DIP2C: variants seen among roughly 807,000 people sequenced by gnomAD.
DIP2C encodes DIP2 acetate--CoA ligase C (putative), also known as disco-interacting protein 2 homolog C.
Under a neutral mutation model 192.4 loss-of-function variants are expected in DIP2C, and 33 were observed. The observed-to-expected ratio is 0.17, with a 90% CI of 0.13 to 0.23. DIP2C has a LOEUF of 0.23. Among genes scored for constraint, DIP2C ranks in the 10% least tolerant of loss-of-function variants. The pLI, the probability that DIP2C is intolerant of heterozygous loss-of-function variation, is 1.00. For synonymous variants in DIP2C, 979 were observed against 864.1 expected (o/e 1.13, Z -2.33); for missense variants, 1,537 against 2,110.1 (o/e 0.73, Z 5.32).
At chr10:575,452 G>A (rs548558195) in intron 1 of DIP2C, among the ~76,000 whole-genome samples, 8 of 152,296 alleles carry the variant, frequency 5.3e-5, no homozygotes, top group South Asian at 2.1e-4. Context: ...GGCCGTCCTA[G>A]GACTGAAACT....
intron 1 of DIP2C, among the ~76,000 whole-genome samples, chr10:501,570 G>A (rs1845229584): frequency 1.3e-5 from 2 of 152,118 alleles, no homozygotes; most frequent in South Asian, 4.2e-4. Flanking sequence ...GAATGGGGAG[G>A]CTTCATTTAA....
At chr10:505,628 T>G (rs1235741613) in intron 1 of DIP2C, among the ~76,000 whole-genome samples, 1 of 151,528 alleles carries the variant, frequency 6.6e-6, no homozygotes, top group Non-Finnish European at 1.5e-5. Flanking sequence ...ATATTCCCTC[T>G]GTGGGCACCT....
At chr10:343,637 A>G (rs752700712) in intron 28 of DIP2C, among the ~76,000 whole-genome samples, 47 of 152,262 alleles carry the variant, frequency 3.1e-4, no homozygotes, top group African/African-American at 1.1e-3. Flanking sequence ...CTGAATTTAT[A>G]CAACATCCAT....
intron 13 of DIP2C, among the ~76,000 whole-genome samples, chr10:388,184 G>A (rs1240263845): frequency 2.6e-5 from 4 of 152,136 alleles, no homozygotes; most frequent in African/African-American, 9.7e-5. Flanking sequence ...TGCGCACAGA[G>A]GAGGAAGTGG....
chr10:396,118 C>T (rs1963967774), intron 10 of DIP2C, among the ~76,000 whole-genome samples: 1 of 152,212 alleles, frequency 6.6e-6, no homozygotes, highest in Non-Finnish European at 1.5e-5. Flanking sequence ...TTCCCAGCCA[C>T]GTGGCCTTGG....
chr10:644,670 G>A (rs1855364862), intron 1 of DIP2C, among the ~76,000 whole-genome samples: 2 of 151,026 alleles, frequency 1.3e-5, no homozygotes, highest in African/African-American at 4.9e-5. Flanking sequence ...CCAAATCTCA[G>A]ACGTAGGGTT....
At chr10:495,337 C>CAGA (rs1844747473) in intron 1 of DIP2C, among the ~76,000 whole-genome samples, 1 of 152,124 alleles carries the variant, frequency 6.6e-6, no homozygotes, top group African/African-American at 2.4e-5. Context: ...TACCATCTGC[C>CAGA]TGAAATTCAG....
At chr10:311,513 G>A in intron 31 of DIP2C, 1 of 1,232,560 alleles carries the variant, frequency 8.1e-7, no homozygotes, top group Non-Finnish European at 1.0e-6. Flanking sequence ...AGGCACGGGT[G>A]TGATGGACAG....
At position 429,271 on chromosome 10, in the gene DIP2C, TC is replaced by T. The variant is rs1206845930; in HGVS notation, c.395-6239del. Among the ~76,000 whole-genome samples, 18 of 1,856 alleles carry T rather than the reference TC, an allele frequency of 9.7e-3. 3 individuals are homozygous for T. The highest frequency in any genetic ancestry group is 0.012 in the Non-Finnish European group (15 of 1,280). 1.2% of individuals were successfully genotyped at this position (1,856 alleles called of 152,430 possible). A position where few individuals can be genotyped will look rare whatever the true frequency, so the allele number is the denominator to read the frequency against. ...GCCTCCCCCCCGGACCCTGGCTGCC[TC>T]CCCCCCGGACCCTGGCTGCCTCCCC... is the stretch of plus-strand genomic sequence containing the variant. On this transcript the variant is annotated intron_variant, in intron 4 of 36. Coordinates refer to ENST00000280886, the MANE Select transcript of DIP2C (RefSeq NM_014974.3).
intron 1 of DIP2C, among the ~76,000 whole-genome samples, chr10:619,734 T>C (rs1853740692): frequency 6.6e-6 from 1 of 152,164 alleles, no homozygotes; most frequent in Admixed American, 6.5e-5. Flanking sequence ...GGGACCTCCA[T>C]GGCCCAGCAG....
intron 1 of DIP2C, among the ~76,000 whole-genome samples, chr10:519,100 G>C (rs936680314): frequency 6.6e-6 from 1 of 152,178 alleles, no homozygotes; most frequent in African/African-American, 2.4e-5. Flanking sequence ...AAGGGCTTCC[G>C]ATCCAGCCAT....
At chr10:633,331 G>C (rs1854636279) in intron 1 of DIP2C, among the ~76,000 whole-genome samples, 1 of 152,234 alleles carries the variant, frequency 6.6e-6, no homozygotes. Context: ...AAAACGTCCA[G>C]GGCAACAGCG....
Position 523,881 on chromosome 10 carries a change from C to T in DIP2C, c.86-37351G>A, listed in dbSNP as rs548553029. ...GAACCCTGTGACTCTGTCCCAGGAC[C>T]TTTTAGCCTAGACCTAAAAATTCGC... On this transcript the variant is annotated intron_variant, in intron 1 of 36. Coordinates refer to ENST00000280886, the MANE Select transcript of DIP2C (RefSeq NM_014974.3). Among the ~76,000 whole-genome samples, 300 of 152,350 alleles carry T rather than the reference C, an allele frequency of 2.0e-3. 1 individual carries two copies. Among genetic ancestry groups the T allele is most frequent in the Middle Eastern group, 0.01 (3 of 294 alleles).
intron 32 of DIP2C, among the ~76,000 whole-genome samples, chr10:295,780 G>T (rs986322894): frequency 1.3e-5 from 2 of 152,004 alleles, no homozygotes; most frequent in African/African-American, 2.4e-5. Flanking sequence ...AGGCCGAGGT[G>T]GGCTGATCAC....
At chr10:505,341 G>A (rs74115025) in intron 1 of DIP2C, among the ~76,000 whole-genome samples, 333 of 152,358 alleles carry the variant, frequency 2.2e-3, no homozygotes, top group African/African-American at 7.9e-3. Flanking sequence ...GGAAACAGGA[G>A]AAAGCAAAAC....
intron 1 of DIP2C, among the ~76,000 whole-genome samples, chr10:559,972 C>T (rs908817115): frequency 8.4e-5 from 12 of 142,718 alleles, no homozygotes; most frequent in African/African-American, 3.1e-4. Flanking sequence ...ACCTCTCCCC[C>T]CCACTCCTGT....
intron 32 of DIP2C, among the ~76,000 whole-genome samples, chr10:303,805 G>A (rs1290844908): frequency 1.3e-5 from 2 of 152,214 alleles, no homozygotes; most frequent in Non-Finnish European, 2.9e-5. Context: ...TTATAGGCAT[G>A]AGCCGCCGCG....
chr10:477,777 A>G (rs1313239277), intron 2 of DIP2C, among the ~76,000 whole-genome samples: 2 of 140,292 alleles, frequency 1.4e-5, no homozygotes, highest in Non-Finnish European at 1.6e-5. Flanking sequence ...AAAGGAAAAG[A>G]AGGAGAGAGA....
rs1467443689 is a variant in DIP2C, at chr10:482,644, T to C, written c.157+3815A>G. Among the ~76,000 whole-genome samples, 5 of 152,304 alleles carry C rather than the reference T, an allele frequency of 3.3e-5. No homozygotes were observed. The East Asian group carries it at 9.6e-4, about 29-fold the overall frequency. ...CACAGACAAACACATAAGAAGTTGC[T>C]GTGAGAAAGAGGAGCTGTATCTGAG... On this transcript the variant is annotated intron_variant, in intron 2 of 36. Transcript: ENST00000280886.
Sources: gnomAD v4.1 joint callset for allele counts (sites outside exome capture counted in the v4.1 genomes callset) on GRCh38, gnomAD v4.1.1 for gene constraint, MANE v1.5 for transcripts, NCBI Gene and HGNC (gene_info 2026-07-23, HGNC 2026-07-21) for gene names.